Variants in MTREX observed in about 807,000 individuals in gnomAD.
The protein encoded by MTREX is Mtr4 exosome RNA helicase.
Under a neutral mutation model 135.4 loss-of-function variants are expected in MTREX, and 76 were observed. The ratio of observed to expected loss-of-function variants is 0.56; its 90% CI spans 0.47 to 0.68. The LOEUF is 0.68. MTREX is among the 30% of genes least tolerant of loss of function. MTREX has a pLI of 0.00. For missense variants in MTREX, 920 were observed against 1,262.1 expected, an observed-to-expected ratio of 0.73 and a Z score of 4.11; for synonymous variants, 404 against 401.6, an observed-to-expected ratio of 1.01 and a Z score of -0.07.
Position 55,400,304 on chromosome 5 carries a change from A to G in MTREX, c.2364A>G (p.Gln788=), listed in dbSNP as rs1026510207. Residue 788 remains glutamine, a synonymous_variant, in exon 21 of 27, where the codon CAA becomes CAG. Transcript: ENST00000230640. ...TTGATGATATGGGCATTCAAGATCA[A>G]GGGCTGAAAAAAGTCATTCAGAAAG... ...DPIDDMGIQD[Q]GLKKVIQKVE... is the part of the protein sequence containing the mutation. 1.4e-5 allele frequency: 22 copies of G among 1,613,370 alleles called. No homozygotes were observed. The African/African-American group carries it at 2.4e-4, about 18-fold the overall frequency.
chr5:55,388,292 ATT>A (rs2111567210), intron 19 of MTREX, among the ~76,000 whole-genome samples, 190 bp downstream of exon 19: 1 of 152,214 alleles, frequency 6.6e-6, no homozygotes, highest in African/African-American at 2.4e-5. Context: ...ATTTGTTTTT[ATT>A]TTTCTTTTAT....
chr5:55,318,242 C>T (rs1298934971), intron 1 of MTREX, among the ~76,000 whole-genome samples: 3 of 152,090 alleles, frequency 2.0e-5, no homozygotes, highest in Admixed American at 6.5e-5. Flanking sequence ...ACAGATATAC[C>T]ATTAGACCCA....
intron 15 of MTREX, among the ~76,000 whole-genome samples, chr5:55,365,007 G>A (rs944955554): frequency 5.3e-5 from 8 of 152,338 alleles, no homozygotes; most frequent in Non-Finnish European, 1.0e-4. Context: ...TACAGCAGGT[G>A]TAAGTTGGAA....
intron 25 of MTREX, among the ~76,000 whole-genome samples, chr5:55,418,778 T>C (rs1751011148): frequency 6.6e-6 from 1 of 152,162 alleles, no homozygotes; most frequent in Admixed American, 6.6e-5. Flanking sequence ...TCTTTTGTTT[T>C]TACAGTGTTA....
At chr5:55,417,828 T>C (rs189850211) in intron 25 of MTREX, among the ~76,000 whole-genome samples, 9 of 152,334 alleles carry the variant, frequency 5.9e-5, no homozygotes, top group African/African-American at 1.9e-4. Flanking sequence ...TTGTATAATA[T>C]CTGCTTCTCT....
At chr5:55,365,515 A>C (rs1053926284) in intron 15 of MTREX, among the ~76,000 whole-genome samples, 1 of 152,164 alleles carries the variant, frequency 6.6e-6, no homozygotes, top group African/African-American at 2.4e-5. Flanking sequence ...TGTGGACTTC[A>C]ATTTAAGAAC....
At chr5:55,364,509 G>A (rs1051740102) in intron 15 of MTREX, among the ~76,000 whole-genome samples, 1 of 152,192 alleles carries the variant, frequency 6.6e-6, no homozygotes, top group African/African-American at 2.4e-5. Flanking sequence ...TACCTACAGG[G>A]ACTTTAAGTA....
In MTREX at chr5:55,366,876, G is replaced by C; in HGVS notation, c.1810+1G>C. On this transcript the variant is annotated splice_donor_variant, in intron 16 of 26. Transcript: ENST00000230640. LOFTEE classifies it high-confidence loss of function. ...AGAGCAATTCCAGGAGTAGTAGAGA[G>C]TAAGTATAAAATACCATAACAGAGC... 6.2e-7 allele frequency: 1 copy of C among 1,600,648 alleles called. No homozygotes were observed. The highest frequency in any genetic ancestry group is 8.5e-7 in the Non-Finnish European group (1 of 1,173,204).
At chr5:55,405,665 G>A (rs1750793030) in intron 22 of MTREX, 77 bp downstream of exon 22, 1 of 1,327,816 alleles carries the variant, frequency 7.5e-7, no homozygotes, top group African/African-American at 1.5e-5. Context: ...TTTTTTTTGA[G>A]ATGGAGTCTC....
chr5:55,417,332 C>T (rs1400003465), intron 25 of MTREX, among the ~76,000 whole-genome samples: 1 of 152,112 alleles, frequency 6.6e-6, no homozygotes, highest in Non-Finnish European at 1.5e-5. Context: ...TAGATATTAT[C>T]TCCACTTTGC....
At chr5:55,375,928 T>C (rs929927867) in intron 16 of MTREX, among the ~76,000 whole-genome samples, 3 of 152,226 alleles carry the variant, frequency 2.0e-5, no homozygotes, top group African/African-American at 2.4e-5. Flanking sequence ...TTTCTTGTTA[T>C]ATAAATGTGC....
chr5:55,411,876 T>C (rs779563931), intron 23 of MTREX, among the ~76,000 whole-genome samples: 4 of 152,218 alleles, frequency 2.6e-5, no homozygotes, highest in Non-Finnish European at 5.9e-5. Context: ...TGTAGGTTTG[T>C]AAATAGTTTG....
At chr5:55,361,368 A>G (rs1750002572) in intron 15 of MTREX, among the ~76,000 whole-genome samples, 1 of 152,242 alleles carries the variant, frequency 6.6e-6, no homozygotes, top group Admixed American at 6.5e-5. Flanking sequence ...TATTGGTGTT[A>G]GAAACATGGC....
intron 1 of MTREX, among the ~76,000 whole-genome samples, chr5:55,311,215 CT>C (rs559987993): frequency 1.0e-3 from 152 of 149,060 alleles, no homozygotes; most frequent in South Asian, 5.3e-3. Flanking sequence ...ATTCCTACAT[CT>C]TTTTTTTTTA....
Position 55,400,244 on chromosome 5 carries a change from A to G in MTREX, c.2304A>G (p.Lys768=). The G allele has an allele frequency of 6.4e-7, 1 of 1,555,374 alleles. No individual in the cohort carries two copies. Among genetic ancestry groups the G allele is most frequent in the South Asian group, 1.2e-5 (1 of 82,446 alleles). The part of the protein sequence containing the change: ...SVLKSIQEVQ[K]RFPDGIPLLD... ...CATATTTTTTTCAGGAAGTTCAGAA[A>G]CGTTTTCCTGACGGCATCCCCTTAT... is the stretch of plus-strand genomic sequence containing the variant. Residue 768 remains lysine (K), a synonymous_variant, in exon 21 of 27, where the codon AAA becomes AAG. Coordinates refer to ENST00000230640, the MANE Select transcript of MTREX (RefSeq NM_015360.5).
Position 55,424,775 on chromosome 5 carries a change from T to G in MTREX, c.*3T>G. 6.2e-7 allele frequency: 1 copy of G among 1,603,884 alleles called. No homozygotes were observed. Among genetic ancestry groups the G allele is most frequent in the Non-Finnish European group, 8.5e-7 (1 of 1,170,792 alleles). ...TTGCTGCCAGCCTCTACTTGTAGAG[T>G]CAGCTAAAGGAATGTGAGATTTTAA... On this transcript the variant is annotated 3_prime_UTR_variant, in exon 27 of 27. Transcript: ENST00000230640.
intron 5 of MTREX, among the ~76,000 whole-genome samples, chr5:55,331,824 C>T (rs1252163980): frequency 6.6e-6 from 1 of 152,134 alleles, no homozygotes; most frequent in African/African-American, 2.4e-5. Flanking sequence ...GGATTACCTA[C>T]TTTGTTTTCT....
chr5:55,369,699 A>G (rs1415894005), intron 16 of MTREX, among the ~76,000 whole-genome samples: 4 of 152,152 alleles, frequency 2.6e-5, no homozygotes, highest in Non-Finnish European at 2.9e-5. Flanking sequence ...TACCTGAGGA[A>G]TGGGAGCCCC....
intron 18 of MTREX, among the ~76,000 whole-genome samples, chr5:55,382,972 G>A (rs1046381771): frequency 6.6e-6 from 1 of 152,162 alleles, no homozygotes. Flanking sequence ...AGAAAGGAAA[G>A]CCAGTGTGTA....
Sources: gnomAD v4.1 joint callset for allele counts (sites outside exome capture counted in the v4.1 genomes callset) on GRCh38, gnomAD v4.1.1 for gene constraint, MANE v1.5 for transcripts, NCBI Gene and HGNC (gene_info 2026-07-23, HGNC 2026-07-21) for gene names.